The following UBASH3A variants were observed in gnomAD, a reference collection of about 807,000 sequenced individuals.
UBASH3A encodes ubiquitin associated and SH3 domain containing A.
In UBASH3A, 63 loss-of-function variants were observed where a neutral mutation model predicts 73.5. The observed-to-expected ratio is 0.86, with a 90% CI of 0.70 to 1.06. UBASH3A has a LOEUF of 1.06. Among genes scored for constraint, UBASH3A ranks in the 50% least tolerant of loss-of-function variants. The pLI is 0.00. For missense variants in UBASH3A, 860 were observed against 859.0 expected, an observed-to-expected ratio of 1.00 and a Z score of -0.02; for synonymous variants, 363 against 351.1, an observed-to-expected ratio of 1.03 and a Z score of -0.38.
intron 7 of UBASH3A, 86 bp from the exon 8 acceptor site, chr21:42,426,611 C>G: frequency 2.1e-5 from 31 of 1,499,070 alleles, no homozygotes; most frequent in Non-Finnish European, 2.8e-5. Flanking sequence ...CGGACATTCT[C>G]AAGTACATAC....
In UBASH3A at chr21:42,422,004, T is replaced by C. The variant is rs150286089; in HGVS notation, c.1046+3395T>C. Among the ~76,000 whole-genome samples, 264 of 152,336 alleles carry C rather than the reference T, an allele frequency of 1.7e-3. 1 individual carries two copies. Among genetic ancestry groups the C allele is most frequent in the African/African-American group, 5.8e-3 (240 of 41,576 alleles). ...GGTGACTATGGCTGATTTCTTTAAG[T>C]ATTATATTTCTTTTTGCTAATTATT... On this transcript the variant is annotated intron_variant, in intron 7 of 14. Transcript: ENST00000319294.
rs111401155 is a variant in UBASH3A, at chr21:42,410,175, A to G, written c.354+567A>G. 463 of 701,806 alleles carry G rather than the reference A, an allele frequency of 6.6e-4. 3 individuals are homozygous for G. The African/African-American group carries it at 6.8e-3, about 10-fold the overall frequency. The allele number at this position is 701,806 out of a possible 1,614,324, so 43.5% of individuals were successfully genotyped here. A position where few individuals can be genotyped will look rare whatever the true frequency, so the allele number is the denominator to read the frequency against. ...AGTGGGTAGCTCCACAGCAAAACAC[A>G]ATGGCCCAGCAGGCAGCTCTACAGG... On this transcript the variant is annotated intron_variant, in intron 3 of 14. Coordinates refer to ENST00000319294, the MANE Select transcript of UBASH3A (RefSeq NM_018961.4).
At chr21:42,404,166 A>C in intron 1 of UBASH3A, 108 bp downstream of exon 1, 1 of 517,360 alleles carries the variant, frequency 1.9e-6, no homozygotes, top group East Asian at 3.5e-5. Context: ...CTTCCTGCCA[A>C]AGCAGTGCAC....
intron 8 of UBASH3A, among the ~76,000 whole-genome samples, chr21:42,427,197 C>G (rs561077734): frequency 1.3e-5 from 2 of 152,206 alleles, no homozygotes; most frequent in African/African-American, 4.8e-5. Context: ...TGGGGGTCAG[C>G]AGACTCAGGC....
At chr21:42,430,172 A>T (rs1187780682) in intron 8 of UBASH3A, among the ~76,000 whole-genome samples, 5 of 152,098 alleles carry the variant, frequency 3.3e-5, no homozygotes, top group Non-Finnish European at 7.4e-5. Context: ...TTCCCTAGGT[A>T]CAGGGACACC....
At chr21:42,435,762 GAGTT>G (rs2053615175) in intron 10 of UBASH3A, among the ~76,000 whole-genome samples, 1 of 152,016 alleles carries the variant, frequency 6.6e-6, no homozygotes, top group South Asian at 2.1e-4. Context: ...TAGAGTTATA[GAGTT>G]AGTTATAGAG....
chr21:42,406,316 C>T lies in UBASH3A; in HGVS notation c.122C>T (p.Ala41Val), dbSNP rs750753193. The T allele has an allele frequency of 1.8e-5, 29 of 1,613,864 alleles. No individual in the cohort carries two copies. Among genetic ancestry groups the T allele is most frequent in the African/African-American group, 2.7e-5 (2 of 74,906 alleles). Residue 41 changes from alanine to valine, a missense_variant, in exon 2 of 15, where the codon GCG (alanine) becomes GTG (valine). Coordinates refer to ENST00000319294, the MANE Select transcript of UBASH3A (RefSeq NM_018961.4). ...MGFPVHTALKALAATGRKTAE... is the reference protein window; with the variant it reads ...MGFPVHTALKVLAATGRKTAE... ...TGTCTGCTCTTCTGCAGGCTGAAAGCGTTGGCAGCCACGGGGAGGAAGACG... is the reference window on the plus strand; with the variant it reads ...TGTCTGCTCTTCTGCAGGCTGAAAGTGTTGGCAGCCACGGGGAGGAAGACG...
In UBASH3A at chr21:42,437,596, G is replaced by C; in HGVS notation, c.1486+16G>C. 1 of 1,610,456 alleles carries C rather than the reference G, an allele frequency of 6.2e-7. No homozygotes were observed. ...ATCCTGGAAGGTCAGTGAGAACCTC[G>C]GTGAGCCTCTCCTACTGCCTTGACC... On this transcript the variant is annotated intron_variant, in intron 11 of 14. Coordinates refer to ENST00000319294, the MANE Select transcript of UBASH3A (RefSeq NM_018961.4).
At chr21:42,431,756 A>G (rs996148450) in intron 8 of UBASH3A, among the ~76,000 whole-genome samples, 1 of 152,240 alleles carries the variant, frequency 6.6e-6, no homozygotes, top group Non-Finnish European at 1.5e-5. Flanking sequence ...ACATATTATA[A>G]TATAGATAGG....
intron 10 of UBASH3A, 34 bp from the exon 11 acceptor site, chr21:42,437,454 A>C: frequency 1.3e-6 from 2 of 1,585,622 alleles, no homozygotes; most frequent in Non-Finnish European, 8.7e-7. Context: ...AGAATTATGA[A>C]GGGGCATTTT....
At chr21:42,436,672 C>T (rs1174222932) in intron 10 of UBASH3A, among the ~76,000 whole-genome samples, 1 of 152,176 alleles carries the variant, frequency 6.6e-6, no homozygotes, top group African/African-American at 2.4e-5. Context: ...ACAGTTCAAC[C>T]CAGAAGAGCC....
In UBASH3A at chr21:42,443,305, C is replaced by T. The variant is rs748914200; in HGVS notation, c.1632-7C>T. 5 of 1,610,754 alleles carry T rather than the reference C, an allele frequency of 3.1e-6. No individual in the cohort carries two copies. Among genetic ancestry groups the T allele is most frequent in the Non-Finnish European group, 4.2e-6 (5 of 1,178,124 alleles). On this transcript the variant is annotated splice_polypyrimidine_tract_variant and splice_region_variant and intron_variant, in intron 12 of 14. Coordinates refer to ENST00000319294, the MANE Select transcript of UBASH3A (RefSeq NM_018961.4). Reference sequence around the variant, plus strand: ...AGGGCAGCAGCCTCTCCTTCTCATCCTTCCAGGCCCGCGTTTCCCCTGTCC... The same window carrying T: ...AGGGCAGCAGCCTCTCCTTCTCATCTTTCCAGGCCCGCGTTTCCCCTGTCC...
chr21:42,424,582 G>T (rs2053402477), intron 7 of UBASH3A, among the ~76,000 whole-genome samples: 1 of 152,126 alleles, frequency 6.6e-6, no homozygotes, highest in Non-Finnish European at 1.5e-5. Context: ...GAGTGTGAGG[G>T]CTCGGGAGAA....
intron 7 of UBASH3A, among the ~76,000 whole-genome samples, chr21:42,424,654 T>A (rs1601582257): frequency 6.6e-6 from 1 of 152,164 alleles, no homozygotes; most frequent in East Asian, 1.9e-4. Context: ...CACAGCAGAT[T>A]ACTTCAAAAA....
chr21:42,423,145 G>T (rs2053371011), intron 7 of UBASH3A, among the ~76,000 whole-genome samples: 1 of 152,178 alleles, frequency 6.6e-6, no homozygotes, highest in Non-Finnish European at 1.5e-5. Context: ...CATGGCGTGC[G>T]CTGTGAGCTC....
rs549952919 is a variant in UBASH3A at position 42,447,146 on chromosome 21, C to T, written c.1938C>T (p.His646=). The change falls in exon 15 of 15, where the codon CAC becomes CAT. Residue 646 remains histidine, a synonymous_variant. Transcript: ENST00000319294. ...ACCCACCGGTGAAGACCCTGACCCA[C>T]GGGGCGAACGCAGCATTTAACTGGA... is the stretch of plus-strand genomic sequence containing the variant. ...LVNPPVKTLT[H]GANAAFNWRN... The T allele has an allele frequency of 9.9e-5, 160 of 1,614,126 alleles. 1 individual carries two copies. In the South Asian group the frequency reaches 1.5e-3, roughly 15 times the overall value.
rs762893914 is a variant in UBASH3A at position 42,447,156 on chromosome 21, G to A, written c.1948G>A (p.Ala650Thr). The A allele has an allele frequency of 1.5e-5, 25 of 1,613,998 alleles. No homozygotes were observed. The highest frequency in any genetic ancestry group is 2.7e-5 in the African/African-American group (2 of 74,926). Residue 650 changes from alanine (A) to threonine (T), a missense_variant, in exon 15 of 15, where the codon GCA becomes ACA. Transcript: ENST00000319294. ...GAAGACCCTGACCCACGGGGCGAAC[G>A]CAGCATTTAACTGGAGGAACTGGAT... ...PVKTLTHGANAAFNWRNWISG... is the reference protein window; with the variant it reads ...PVKTLTHGANTAFNWRNWISG...
At chr21:42,421,553 C>T (rs542672319) in intron 7 of UBASH3A, among the ~76,000 whole-genome samples, 1 of 152,348 alleles carries the variant, frequency 6.6e-6, no homozygotes, top group South Asian at 2.1e-4. Flanking sequence ...TCAGCATCTA[C>T]TCAATCTATA....
intron 1 of UBASH3A, among the ~76,000 whole-genome samples, chr21:42,405,678 TTC>T (rs1256543245): frequency 8.5e-5 from 13 of 152,170 alleles, no homozygotes; most frequent in African/African-American, 2.9e-4. Context: ...CTATATTCCA[TTC>T]TGTTTCATTT....
Sources: gnomAD v4.1 joint callset for allele counts (sites outside exome capture counted in the v4.1 genomes callset) on GRCh38, gnomAD v4.1.1 for gene constraint, MANE v1.5 for transcripts, NCBI Gene and HGNC (gene_info 2026-07-23, HGNC 2026-07-21) for gene names.